PCBP3: variants seen among roughly 807,000 people sequenced by gnomAD.
The protein encoded by PCBP3 is poly(rC) binding protein 3, also known as poly(rC)-binding protein 3.
A neutral mutation model predicts 52.7 loss-of-function variants in PCBP3; 25 were observed. The ratio of observed to expected loss-of-function variants is 0.47; its 90% CI spans 0.35 to 0.66. The LOEUF (loss-of-function observed/expected upper bound fraction) is 0.66, where lower values mean the gene tolerates loss of function less well. Among genes scored for constraint, PCBP3 ranks in the 30% least tolerant of loss-of-function variants. PCBP3 has a pLI of 0.01. For synonymous variants in PCBP3, 162 were observed against 183.0 expected (o/e 0.89, Z 0.93); for missense variants, 391 against 490.3 (o/e 0.80, Z 1.91).
intron 4 of PCBP3, among the ~76,000 whole-genome samples, chr21:45,822,960 G>C (rs1329955842): frequency 6.6e-6 from 1 of 152,186 alleles, no homozygotes; most frequent in Non-Finnish European, 1.5e-5. Context: ...CTGTCACTGT[G>C]ACTCACATGT....
chr21:45,791,082 C>T lies in PCBP3; in HGVS notation c.-126+35630C>T, dbSNP rs994096070. Among the ~76,000 whole-genome samples, 7 of 152,030 alleles carry T rather than the reference C, an allele frequency of 4.6e-5. No homozygotes were observed. The South Asian group carries it at 6.2e-4, about 14-fold the overall frequency. ...TCAGTAGAGGGGCTGGCTGGCCCAC[C>T]GAGGCCAGCATCTTGCAGTGGCGAA... On this transcript the variant is annotated intron_variant, in intron 4 of 17. Transcript: ENST00000681687. The surrounding 1 kb of genome is among the most constrained non-coding windows in gnomAD (Gnocchi z 4.2).
At chr21:45,818,653 C>T (rs1195077970) in intron 4 of PCBP3, among the ~76,000 whole-genome samples, 1 of 152,234 alleles carries the variant, frequency 6.6e-6, no homozygotes, top group African/African-American at 2.4e-5. Flanking sequence ...ATTAGTCATG[C>T]TCCTTGGTAT....
At chr21:45,806,837 C>T (rs1158094875) in intron 4 of PCBP3, among the ~76,000 whole-genome samples, 1 of 152,174 alleles carries the variant, frequency 6.6e-6, no homozygotes, top group Non-Finnish European at 1.5e-5. Context: ...GCTCTGCCCT[C>T]TCCAGATGCC....
intron 15 of PCBP3, among the ~76,000 whole-genome samples, chr21:45,934,226 G>A (rs1010358598): frequency 6.6e-6 from 1 of 152,168 alleles, no homozygotes; most frequent in Non-Finnish European, 1.5e-5. Context: ...CAGAATCCGA[G>A]TTACAAGAAC....
intron 4 of PCBP3, among the ~76,000 whole-genome samples, chr21:45,769,852 A>G (rs1244484241): frequency 2.6e-5 from 4 of 152,264 alleles, no homozygotes; most frequent in Non-Finnish European, 5.9e-5. Flanking sequence ...AAAGCTTAAC[A>G]GTACGGCAGC....
intron 5 of PCBP3, among the ~76,000 whole-genome samples, chr21:45,890,276 G>A (rs1379118615): frequency 6.6e-6 from 1 of 152,274 alleles, no homozygotes; most frequent in Non-Finnish European, 1.5e-5. Context: ...CTGTTGGCGG[G>A]GCCGTGGAGG....
chr21:45,876,072 C>T (rs995819280), intron 5 of PCBP3, among the ~76,000 whole-genome samples: 18 of 152,202 alleles, frequency 1.2e-4, no homozygotes, highest in African/African-American at 3.9e-4. Flanking sequence ...CGTTCAGCTT[C>T]CCACTAAGAC....
At position 45,746,123 on chromosome 21, in the gene PCBP3, C is replaced by T. The variant is rs550642443; in HGVS notation, c.-161-9294C>T. Among the ~76,000 whole-genome samples the T allele has an allele frequency of 1.0e-4, 14 of 136,708 alleles. 1 individual carries two copies. The South Asian group carries it at 1.4e-3, about 14-fold the overall frequency. The allele number at this position is 136,708 out of a possible 152,430, so 89.7% of individuals were successfully genotyped here. On this transcript the variant is annotated intron_variant, in intron 3 of 17. Transcript: ENST00000681687. ...TCGCTGTGTCAGTCCACTGACGTAG[C>T]GCACACGGTGTTGTGTCAGCATCGC...
At position 45,784,346 on chromosome 21, in the gene PCBP3, A is replaced by G. The variant is rs142623372; in HGVS notation, c.-126+28894A>G. 5.6e-3 allele frequency among the ~76,000 whole-genome samples: 781 copies of G among 139,556 alleles called. 8 individuals carry two copies. The highest frequency in any genetic ancestry group is 0.021 in the African/African-American group (750 of 35,696). 91.6% of individuals were successfully genotyped at this position (139,556 alleles called of 152,430 possible). A position where few individuals can be genotyped will look rare whatever the true frequency, so the allele number is the denominator to read the frequency against. ...TGTTAATAGTGACAGCTCTACCTCTACCTCTACCTCTACCTCTACCTCTAC... is the reference window on the plus strand; with the variant it reads ...TGTTAATAGTGACAGCTCTACCTCTGCCTCTACCTCTACCTCTACCTCTAC... On this transcript the variant is annotated intron_variant, in intron 4 of 17. Coordinates refer to ENST00000681687, the MANE Select transcript of PCBP3 (RefSeq NM_001384156.1).
At chr21:45,851,192 T>C (rs1284402044) in intron 5 of PCBP3, among the ~76,000 whole-genome samples, 1 of 152,196 alleles carries the variant, frequency 6.6e-6, no homozygotes, top group African/African-American at 2.4e-5. Flanking sequence ...GTTTTGTGTT[T>C]TAGAGTCAAT....
intron 4 of PCBP3, among the ~76,000 whole-genome samples, chr21:45,847,272 G>A (rs983247651): frequency 3.3e-5 from 5 of 151,998 alleles, no homozygotes; most frequent in African/African-American, 1.2e-4. Flanking sequence ...TCATGCTTCA[G>A]TCTATGAGCT....
chr21:45,720,619 G>T (rs1264440920), intron 2 of PCBP3, among the ~76,000 whole-genome samples: 2 of 152,172 alleles, frequency 1.3e-5, no homozygotes, highest in African/African-American at 4.8e-5. Flanking sequence ...TACAATAATT[G>T]TAAAATTTAT....
intron 2 of PCBP3, among the ~76,000 whole-genome samples, chr21:45,694,280 A>C (rs2082644935): frequency 6.6e-6 from 1 of 152,206 alleles, no homozygotes; most frequent in Non-Finnish European, 1.5e-5. Context: ...ACTCCAATTA[A>C]AATTCTAAAG....
chr21:45,691,450 G>T (rs941223862), intron 2 of PCBP3, among the ~76,000 whole-genome samples: 53 of 79,354 alleles, frequency 6.7e-4, no homozygotes, highest in African/African-American at 4.4e-3. Context: ...ATATATGTAT[G>T]TATGTATGTG....
chr21:45,667,067 A>G (rs1358606802), intron 1 of PCBP3, among the ~76,000 whole-genome samples: 1 of 98,754 alleles, frequency 1.0e-5, no homozygotes, highest in Admixed American at 1.0e-4. Context: ...TTCATTATGC[A>G]TCTGTTTGTT....
At position 45,775,222 on chromosome 21, in the gene PCBP3, C is replaced by T. The variant is rs569242733; in HGVS notation, c.-126+19770C>T. Among the ~76,000 whole-genome samples, 11 of 152,166 alleles carry T rather than the reference C, an allele frequency of 7.2e-5. No homozygotes were observed. The South Asian group carries it at 2.1e-3, about 29-fold the overall frequency. The stretch of plus-strand genomic sequence containing the variant: ...AGTCTGTTCAGGATTTTTATTTCCT[C>T]CTGACTCAGTCTTGGCAGGTTGTAT... On this transcript the variant is annotated intron_variant, in intron 4 of 17. Transcript: ENST00000681687.
chr21:45,870,648 G>C, intron 5 of PCBP3, among the ~76,000 whole-genome samples: 1 of 152,232 alleles, frequency 6.6e-6, no homozygotes, highest in Non-Finnish European at 1.5e-5. Context: ...CTCTTCCTGT[G>C]CACAGCAGGG....
At chr21:45,851,051 G>T (rs1047255438) in intron 5 of PCBP3, among the ~76,000 whole-genome samples, 2 of 152,130 alleles carry the variant, frequency 1.3e-5, no homozygotes, top group African/African-American at 2.4e-5. Flanking sequence ...CTATAAACAC[G>T]TGTTAAGAAA....
intron 12 of PCBP3, chr21:45,915,382 C>T (rs905995006): frequency 2.6e-5 from 4 of 152,260 alleles, no homozygotes; most frequent in African/African-American, 9.6e-5. Context: ...TCCCCAAATT[C>T]ATGGTTAGGT....
Sources: allele counts gnomAD v4.1 joint callset (sites outside exome capture counted in the v4.1 genomes callset), GRCh38; gene constraint gnomAD v4.1.1; non-coding constraint Gnocchi (gnomAD v3.1); transcripts MANE v1.5; gene names NCBI Gene and HGNC (gene_info 2026-07-23, HGNC 2026-07-21).